TLE1: variants seen among roughly 807,000 people sequenced by gnomAD.
The protein encoded by TLE1 is transducin-like enhancer protein 1.
TLE1 carries 21 observed loss-of-function variants against 89.8 expected under a neutral mutation model. The observed-to-expected ratio is 0.23, with a 90% CI of 0.17 to 0.34. The LOEUF (loss-of-function observed/expected upper bound fraction) is 0.34. TLE1 is among the 10% of genes least tolerant of loss of function. The probability of loss-of-function intolerance (pLI) is 1.00; values close to 1 mark genes in which losing one functional copy is unlikely to be tolerated. For missense variants in TLE1, 795 were observed against 1,031.2 expected (o/e 0.77, Z 3.14); for synonymous variants, 447 against 407.6 (o/e 1.10, Z -1.16).
chr9:81,685,990 C>G (rs1288156742), intron 2 of TLE1, 94 bp from the exon 3 acceptor site: 1 of 1,382,668 alleles, frequency 7.2e-7, no homozygotes, highest in African/African-American at 1.4e-5. Flanking sequence ...AAACACAGAC[C>G]AATTTGGAAA....
At chr9:81,687,503 G>C (rs577678613) in intron 1 of TLE1, 69 bp from the exon 2 acceptor site, 8 of 1,225,880 alleles carry the variant, frequency 6.5e-6, no homozygotes, top group South Asian at 6.4e-5. Context: ...GTAAGTCAGA[G>C]AAGGCAAGAA....
At chr9:81,626,039 C>T (rs1201674444) in intron 8 of TLE1, among the ~76,000 whole-genome samples, 2 of 151,916 alleles carry the variant, frequency 1.3e-5, no homozygotes, top group African/African-American at 4.8e-5. Context: ...CAAGTTCGAA[C>T]CCTGAAACCA....
intron 4 of TLE1, among the ~76,000 whole-genome samples, chr9:81,654,433 C>A (rs1455314012): frequency 6.6e-6 from 1 of 152,168 alleles, no homozygotes; most frequent in East Asian, 1.9e-4. Context: ...CTCTGCCTCC[C>A]GGGTTCACAC....
At chr9:81,676,969 G>A (rs1383143487) in intron 4 of TLE1, among the ~76,000 whole-genome samples, 3 of 152,224 alleles carry the variant, frequency 2.0e-5, no homozygotes, top group African/African-American at 7.2e-5. Flanking sequence ...GGGCATGGTG[G>A]CTCACGCCTA....
intron 6 of TLE1, among the ~76,000 whole-genome samples, chr9:81,648,800 A>C (rs920489689): frequency 6.6e-6 from 1 of 151,956 alleles, no homozygotes; most frequent in Non-Finnish European, 1.5e-5. Flanking sequence ...ATCATTCTTA[A>C]TAGAAATTTT....
chr9:81,650,178 C>T (rs1280340689), intron 6 of TLE1, among the ~76,000 whole-genome samples: 1 of 152,130 alleles, frequency 6.6e-6, no homozygotes, highest in Non-Finnish European at 1.5e-5. Context: ...AATTCATTTG[C>T]CCTTCTAAAA....
At chr9:81,673,252 GA>G (rs1277054500) in intron 4 of TLE1, among the ~76,000 whole-genome samples, 2 of 133,004 alleles carry the variant, frequency 1.5e-5, no homozygotes, top group Non-Finnish European at 3.1e-5. Context: ...CAGCCTGGGG[GA>G]CAAGAGCGAG....
At chr9:81,584,402 G>T in intron 19 of TLE1, 46 bp downstream of exon 19, 1 of 1,611,434 alleles carries the variant, frequency 6.2e-7, no homozygotes, top group South Asian at 1.1e-5. Flanking sequence ...CTTCAGAGGC[G>T]ACACTGTGGT....
In TLE1 at chr9:81,584,254, A is replaced by G. The variant is rs1389815615; in HGVS notation, c.2257T>C (p.Tyr753His). The change falls in exon 20 of 20, where the codon TAC becomes CAC. Residue 753 changes from tyrosine to histidine, a missense_variant. Physicochemically the swap from Tyr to His is moderately conservative, Grantham distance 83. Coordinates refer to ENST00000376499, the MANE Select transcript of TLE1 (RefSeq NM_005077.5). ...LSCDISVDDKYIVTGSGDKKA... is the reference protein window; with the variant it reads ...LSCDISVDDKHIVTGSGDKKA... ...TTGTCCCCCGAGCCAGTGACTATGT[A>G]CTTATCATCCACAGAGATGTCACAG... is the stretch of plus-strand genomic sequence containing the variant. 6 of 1,614,208 alleles carry G rather than the reference A, an allele frequency of 3.7e-6. No individual in the cohort carries two copies. Among genetic ancestry groups the G allele is most frequent in the Non-Finnish European group, 5.1e-6 (6 of 1,180,040 alleles).
At chr9:81,653,514 T>C (rs535836743) in intron 5 of TLE1, among the ~76,000 whole-genome samples, 1 of 152,312 alleles carries the variant, frequency 6.6e-6, no homozygotes, top group African/African-American at 2.4e-5. Flanking sequence ...GTTAATGTAT[T>C]TTGGACTATT....
chr9:81,689,163 C>T lies in TLE1; in HGVS notation c.-923G>A, dbSNP rs1414263788. 1.3e-5 allele frequency: 2 copies of T among 152,364 alleles called. No individual in the cohort carries two copies. Among genetic ancestry groups the T allele is most frequent in the East Asian group, 3.9e-4 (2 of 5,172 alleles). The allele number at this position is 152,364 out of a possible 1,614,324, so 9.4% of individuals were successfully genotyped here. ...TTCCTCGGTCTTCTTTCTTTCCTTC[C>T]TTCACCTTCGTGTGCTTCTCCGCAA... On this transcript the variant is annotated 5_prime_UTR_variant, in exon 1 of 20. Transcript: ENST00000376499.
chr9:81,687,557 G>C (rs376775851), intron 1 of TLE1, 123 bp from the exon 2 acceptor site: 1 of 706,608 alleles, frequency 1.4e-6, no homozygotes. Flanking sequence ...TGAAAACGAG[G>C]CCCCAAACTC....
chr9:81,635,491 C>A (rs532535960), intron 6 of TLE1, among the ~76,000 whole-genome samples: 1 of 152,094 alleles, frequency 6.6e-6, no homozygotes, highest in African/African-American at 2.4e-5. Flanking sequence ...GAAAAAGTAT[C>A]CAAGAAATGG....
At chr9:81,617,915 C>T (rs916998092) in intron 9 of TLE1, among the ~76,000 whole-genome samples, 1 of 152,042 alleles carries the variant, frequency 6.6e-6, no homozygotes, top group Non-Finnish European at 1.5e-5. Flanking sequence ...ATCCCAGCTA[C>T]TCCGGAGGCT....
chr9:81,622,448 T>G (rs762080253), intron 8 of TLE1, among the ~76,000 whole-genome samples: 10 of 152,170 alleles, frequency 6.6e-5, no homozygotes, highest in Admixed American at 1.3e-4. Flanking sequence ...CTTGTTTTTT[T>G]TTGTTGTTGT....
At chr9:81,650,460 T>C (rs1185303552) in intron 6 of TLE1, among the ~76,000 whole-genome samples, 1 of 152,232 alleles carries the variant, frequency 6.6e-6, no homozygotes, top group Non-Finnish European at 1.5e-5. Flanking sequence ...AAACAGGCTT[T>C]TCCATCCTCA....
At chr9:81,678,388 T>TC in intron 4 of TLE1, among the ~76,000 whole-genome samples, 1 of 151,840 alleles carries the variant, frequency 6.6e-6, no homozygotes, top group East Asian at 1.9e-4. Flanking sequence ...TAATTTTTTT[T>TC]AAATCTTTTA....
Position 81,620,512 on chromosome 9 carries a change from G to A in TLE1, c.640C>T (p.Arg214Cys), listed in dbSNP as rs374215758. The A allele has an allele frequency of 6.2e-6, 10 of 1,613,800 alleles. No individual in the cohort carries two copies. The highest frequency in any genetic ancestry group is 2.2e-5 in the East Asian group (1 of 44,860). Residue 214 changes from arginine (R) to cysteine (C), a missense_variant, in exon 9 of 20, where the codon CGC becomes TGC. By Grantham distance (180) the Arg-to-Cys change is radical. Coordinates refer to ENST00000376499, the MANE Select transcript of TLE1 (RefSeq NM_005077.5). ...TTGGAAAATTCAGGTCCATTTCTGC[G>A]TTTATCTGTGCCTCTTAGACTGTCT... ...VPDSLRGTDK[R>C]RNGPEFSNDI...
chr9:81,633,293 G>A, intron 8 of TLE1, 55 bp downstream of exon 8: 2 of 252,814 alleles, frequency 7.9e-6, no homozygotes, highest in Non-Finnish European at 9.5e-6. Flanking sequence ...GGGACCGTGT[G>A]TGTGTGTGTG....
Sources: gnomAD v4.1 joint callset for allele counts (sites outside exome capture counted in the v4.1 genomes callset) on GRCh38, gnomAD v4.1.1 for gene constraint, MANE v1.5 for transcripts, NCBI Gene and HGNC (gene_info 2026-07-23, HGNC 2026-07-21) for gene names.